RNF115: variants seen among roughly 807,000 people sequenced by gnomAD.
The protein encoded by RNF115 is E3 ubiquitin-protein ligase RNF115.
Under a neutral mutation model 39.2 loss-of-function variants are expected in RNF115, and 31 were observed. The ratio of observed to expected loss-of-function variants is 0.79; its 90% confidence interval spans 0.59 to 1.07. RNF115 has a LOEUF of 1.07. RNF115 is among the 50% of genes least tolerant of loss of function. The probability of loss-of-function intolerance (pLI) is 0.00; values close to 1 mark genes in which losing one functional copy is unlikely to be tolerated. For missense variants in RNF115, 384 were observed against 381.7 expected (o/e 1.01, Z -0.05); for synonymous variants, 124 against 131.0 (o/e 0.95, Z 0.37).
intron 2 of RNF115, among the ~76,000 whole-genome samples, chr1:145,785,162 C>G (rs1648323540): frequency 6.6e-6 from 1 of 152,138 alleles, no homozygotes; most frequent in African/African-American, 2.4e-5. Context: ...CCAAATAAGA[C>G]TCTTCCACAC....
intron 4 of RNF115, among the ~76,000 whole-genome samples, chr1:145,760,981 G>A (rs1445196113): frequency 2.0e-5 from 3 of 152,210 alleles, no homozygotes; most frequent in African/African-American, 7.2e-5. Flanking sequence ...GTTGGGAACT[G>A]GAGCAAAGAA....
At chr1:145,774,980 C>A (rs587636357) in intron 3 of RNF115, among the ~76,000 whole-genome samples, 1 of 152,278 alleles carries the variant, frequency 6.6e-6, no homozygotes, top group African/African-American at 2.4e-5. Context: ...GGCACAGTGG[C>A]TTATGCCTGT....
intron 4 of RNF115, among the ~76,000 whole-genome samples, chr1:145,765,597 G>A (rs1296814540): frequency 6.6e-6 from 1 of 151,880 alleles, no homozygotes; most frequent in Non-Finnish European, 1.5e-5. Context: ...TCAAAGACAA[G>A]AGTATGCTAA....
chr1:145,823,853 G>T lies in RNF115; in HGVS notation c.21C>A (p.Ala7=), dbSNP rs1289706970. 1.3e-6 allele frequency: 2 copies of T among 1,560,072 alleles called. No homozygotes were observed. The highest frequency in any genetic ancestry group is 5.1e-5 in the East Asian group (2 of 39,110). MAEASA[A]GADSGAAVAA... ...CTACAGCGGCGCCCGAGTCCGCCCC[G>T]GCCGCCGAAGCCTCCGCCATTTTTG... The change falls in exon 1 of 9, where the codon GCC becomes GCA. Residue 7 remains alanine (A), a synonymous_variant. Transcript: ENST00000582693.
At chr1:145,752,631 C>CA (rs1658135218) in intron 5 of RNF115, among the ~76,000 whole-genome samples, 1 of 119,698 alleles carries the variant, frequency 8.4e-6, no homozygotes, top group Non-Finnish European at 1.6e-5. Context: ...TTCTGTCGCC[C>CA]AAGCTGGAGT....
At chr1:145,749,088 G>C (rs587604803) in intron 7 of RNF115, among the ~76,000 whole-genome samples, 1 of 152,244 alleles carries the variant, frequency 6.6e-6, no homozygotes, top group South Asian at 2.1e-4. Context: ...AGCAAGTTTT[G>C]AGTTTCCCAA....
intron 7 of RNF115, among the ~76,000 whole-genome samples, chr1:145,749,128 C>A (rs371007957): frequency 6.6e-6 from 1 of 152,124 alleles, no homozygotes. Context: ...CTAGTCTATA[C>A]GCCTAGTGGC....
intron 1 of RNF115, among the ~76,000 whole-genome samples, chr1:145,792,433 T>A (rs1203734271): frequency 6.6e-6 from 1 of 152,018 alleles, no homozygotes; most frequent in African/African-American, 2.4e-5. Flanking sequence ...TGTGCTCAAG[T>A]CATCCTCCCA....
chr1:145,762,102 T>C (rs781871240), intron 4 of RNF115, among the ~76,000 whole-genome samples: 16 of 152,370 alleles, frequency 1.1e-4, no homozygotes, highest in African/African-American at 3.1e-4. Context: ...TGTACCTCCA[T>C]TGTATCTAGG....
intron 2 of RNF115, among the ~76,000 whole-genome samples, chr1:145,785,523 C>T (rs1041382935): frequency 3.3e-5 from 5 of 152,074 alleles, no homozygotes; most frequent in African/African-American, 4.8e-5. Flanking sequence ...ACAAAGAAAA[C>T]AAGTTAACAC....
chr1:145,803,964 T>C (rs1428412191), intron 1 of RNF115, among the ~76,000 whole-genome samples: 1 of 152,216 alleles, frequency 6.6e-6, no homozygotes, highest in Non-Finnish European at 1.5e-5. Context: ...ATAGTGTTTT[T>C]GGCTTGCTCA....
intron 3 of RNF115, among the ~76,000 whole-genome samples, chr1:145,782,748 T>C (rs1648205671): frequency 6.6e-6 from 1 of 152,270 alleles, no homozygotes; most frequent in Non-Finnish European, 1.5e-5. Flanking sequence ...AATTTCTTCT[T>C]CTGCATATGC....
intron 3 of RNF115, chr1:145,772,167 T>TTAA: frequency 2.6e-6 from 1 of 384,072 alleles, no homozygotes; most frequent in Non-Finnish European, 4.7e-6. Context: ...CACCAAGTGT[T>TTAA]TAAGAGTTTC....
chr1:145,812,817 C>T (rs1300492308), intron 1 of RNF115, among the ~76,000 whole-genome samples: 28 of 150,760 alleles, frequency 1.9e-4, no homozygotes, highest in African/African-American at 6.8e-4. Context: ...GATGGGGTTT[C>T]GCCATATCAC....
chr1:145,791,168 T>A (rs1403130785), intron 1 of RNF115, among the ~76,000 whole-genome samples: 1 of 151,158 alleles, frequency 6.6e-6, no homozygotes, highest in Non-Finnish European at 1.5e-5. Flanking sequence ...AAACTGCTAC[T>A]TTTTACTATG....
Position 145,747,004 on chromosome 1 carries a change from C to T in RNF115, c.784-7G>A. 1.2e-6 allele frequency: 2 copies of T among 1,608,496 alleles called. No individual in the cohort carries two copies. The highest frequency in any genetic ancestry group is 1.7e-6 in the Non-Finnish European group (2 of 1,176,376). On this transcript the variant is annotated splice_polypyrimidine_tract_variant and splice_region_variant and intron_variant, in intron 8 of 8. Coordinates refer to ENST00000582693, the MANE Select transcript of RNF115 (RefSeq NM_014455.4). ...ATACAGGACATGTGTCATGCTGAAA[C>T]AGAAAAATATTAGTCTATGTGAAGA...
intron 1 of RNF115, among the ~76,000 whole-genome samples, chr1:145,801,367 G>A (rs1436736402): frequency 1.3e-5 from 2 of 151,808 alleles, no homozygotes; most frequent in African/African-American, 2.4e-5. Context: ...CCAGGAGTTC[G>A]AGCCTGGCCC....
chr1:145,764,692 C>T (rs1038916344), intron 4 of RNF115, among the ~76,000 whole-genome samples: 5 of 152,020 alleles, frequency 3.3e-5, no homozygotes, highest in African/African-American at 9.7e-5. Flanking sequence ...AGCAGCCACT[C>T]GGTCCGGGAG....
At chr1:145,820,590 G>T (rs1650191863) in intron 1 of RNF115, among the ~76,000 whole-genome samples, 3 of 152,080 alleles carry the variant, frequency 2.0e-5, no homozygotes, top group Admixed American at 6.5e-5. Context: ...ACAAAAATTA[G>T]CTGGGCATGG....
Sources: allele counts gnomAD v4.1 joint callset (sites outside exome capture counted in the v4.1 genomes callset), GRCh38; gene constraint gnomAD v4.1.1; transcripts MANE v1.5; gene names NCBI Gene and HGNC (gene_info 2026-07-23, HGNC 2026-07-21).